SGSM2: variants seen among roughly 807,000 people sequenced by gnomAD.
SGSM2 encodes small G protein signaling modulator 2.
In SGSM2, 89 loss-of-function variants were observed where a neutral mutation model predicts 126.6. The observed-to-expected ratio is 0.70, with a 90% CI of 0.59 to 0.84. The LOEUF (loss-of-function observed/expected upper bound fraction) is 0.84. Among genes scored for constraint, SGSM2 ranks in the 40% least tolerant of loss-of-function variants. The pLI is 0.00. For synonymous variants in SGSM2, 614 were observed against 574.3 expected, an observed-to-expected ratio of 1.07 and a Z score of -0.99; for missense variants, 1,404 against 1,416.6, an observed-to-expected ratio of 0.99 and a Z score of 0.14.
Position 2,365,298 on chromosome 17 carries a change from CTA to C in SGSM2, c.1247_1248del (p.Tyr416CysfsTer17), listed in dbSNP as rs1338745408. 3.8e-6 allele frequency: 6 copies of C among 1,586,782 alleles called. No homozygotes were observed. The Admixed American group carries it at 5.4e-5, about 14-fold the overall frequency. ...AGATGGGCACGGGGCGGGCCACCGACTATGTGTTCCGGATCATCTACCCCGGC... is the reference window on the plus strand; with the variant it reads ...AGATGGGCACGGGGCGGGCCACCGACTGTGTTCCGGATCATCTACCCCGGC... ...EEMGTGRATD[Y>X]VFRIIYPGHR... On this transcript the variant is annotated frameshift_variant, in exon 11 of 24. Transcript: ENST00000268989. LOFTEE classifies it high-confidence loss of function.
chr17:2,353,913 T>G (rs767869845), intron 2 of SGSM2, among the ~76,000 whole-genome samples: 14 of 152,276 alleles, frequency 9.2e-5, no homozygotes, highest in East Asian at 1.9e-4. Context: ...TTTTTGTTTG[T>G]TTGGTTGTTT....
At chr17:2,373,107 CTGA>C (rs66956940) in intron 16 of SGSM2, 26 bp downstream of exon 16, 524,782 of 1,607,338 alleles carry the variant, frequency 0.33, 87,117 homozygotes, top group East Asian at 0.45. Context: ...TCCCATGGGG[CTGA>C]TGAGATGGGG....
At chr17:2,339,210 G>A (rs1007452497) in intron 1 of SGSM2, among the ~76,000 whole-genome samples, 1 of 152,010 alleles carries the variant, frequency 6.6e-6, no homozygotes, top group African/African-American at 2.4e-5. Context: ...GGTAGATCAC[G>A]AGGTCAGGAG....
chr17:2,338,790 A>ATATATATATATATAT (rs753835631), intron 1 of SGSM2, among the ~76,000 whole-genome samples: 1 of 73,176 alleles, frequency 1.4e-5, no homozygotes, highest in Non-Finnish European at 2.7e-5. Context: ...TATATATATA[A>ATATATATATATATAT]CCTCACGCCT....
intron 2 of SGSM2, 141 bp from the exon 3 acceptor site, chr17:2,361,496 G>C: frequency 9.7e-7 from 1 of 1,032,202 alleles, no homozygotes; most frequent in South Asian, 1.5e-5. Context: ...GGGGAATTTT[G>C]GAAGGAAGCC....
chr17:2,345,423 C>T (rs924592105), intron 2 of SGSM2, among the ~76,000 whole-genome samples: 7 of 151,736 alleles, frequency 4.6e-5, no homozygotes, highest in African/African-American at 7.3e-5. Context: ...GGTGAAACCC[C>T]GTCTCTACTA....
At chr17:2,358,901 A>G (rs1302771881) in intron 2 of SGSM2, among the ~76,000 whole-genome samples, 3 of 142,516 alleles carry the variant, frequency 2.1e-5, no homozygotes, top group Admixed American at 7.2e-5. Context: ...TTTTGAGACA[A>G]AGTCTCGCTG....
At chr17:2,361,924 G>C in intron 3 of SGSM2, 125 bp downstream of exon 3, 1 of 1,353,138 alleles carries the variant, frequency 7.4e-7, no homozygotes, top group South Asian at 1.4e-5. Flanking sequence ...CTCTGGGTGA[G>C]GGATCAGCTT....
chr17:2,364,735 G>C, intron 9 of SGSM2, 72 bp downstream of exon 9: 1 of 1,578,716 alleles, frequency 6.3e-7, no homozygotes, highest in Non-Finnish European at 8.7e-7. Context: ...ACTGTGCGTG[G>C]GGCCTGTAAG....
Position 2,361,761 on chromosome 17 carries a change from C to T in SGSM2, c.258C>T (p.Cys86=), listed in dbSNP as rs762157779. Residue 86 remains cysteine (C), a synonymous_variant, in exon 3 of 24, where the codon TGC becomes TGT. Transcript: ENST00000268989. Reference sequence around the variant, plus strand: ...CGTGCCCAGTGGCGGGGGAGATTTGCCACAAGGTACAGGAGCTGCAGCAAC... The same window carrying T: ...CGTGCCCAGTGGCGGGGGAGATTTGTCACAAGGTACAGGAGCTGCAGCAAC... ...GKTCPVAGEI[C]HKVQELQQQA... 6.2e-7 allele frequency: 1 copy of T among 1,612,418 alleles called. No individual in the cohort carries two copies. Among genetic ancestry groups the T allele is most frequent in the Non-Finnish European group, 8.5e-7 (1 of 1,179,792 alleles).
In SGSM2 at chr17:2,373,335, A is replaced by G. The variant is rs1370557302; in HGVS notation, c.1922A>G (p.Asp641Gly). The G allele has an allele frequency of 3.7e-6, 6 of 1,611,950 alleles. No individual in the cohort carries two copies. The highest frequency in any genetic ancestry group is 5.1e-6 in the Non-Finnish European group (6 of 1,179,628). The change falls in exon 17 of 24, where the codon GAC becomes GGC. Residue 641 changes from aspartate to glycine, a missense_variant. Coordinates refer to ENST00000268989, the MANE Select transcript of SGSM2 (RefSeq NM_014853.3). ...CGTGGTGTGGTCTGAGTACAGGTGG[A>G]CGCAGTGGTGGCAGCAAGGTACCAG... The part of the protein sequence containing the change: ...GMSKKEMEQV[D>G]AVVAARYQQV...
rs2065973718 is a variant in SGSM2, at chr17:2,373,396, G to A, written c.1983G>A (p.Val661=). 5 of 1,612,666 alleles carry A rather than the reference G, an allele frequency of 3.1e-6. No homozygotes were observed. In the Admixed American group the frequency reaches 6.7e-5, roughly 22 times the overall value. ...CAGAGTGGAAGGCCTGCGAGGTGGT[G>A]GTGAGGCAGCGGGAGCGGGAGGCCC... ...VLAEWKACEV[V]VRQREREAHP... The change falls in exon 17 of 24, where the codon GTG becomes GTA. Residue 661 remains valine (V), a synonymous_variant. Transcript: ENST00000268989.
In SGSM2 at chr17:2,372,781, C is replaced by T. The variant is rs2065934785; in HGVS notation, c.1789-172C>T. On this transcript the variant is annotated intron_variant, in intron 15 of 23. Coordinates refer to ENST00000268989, the MANE Select transcript of SGSM2 (RefSeq NM_014853.3). This position sits in a 1 kb window ranked among gnomAD's most constrained non-coding sequence, Gnocchi z 6.0. ...GAAGGAGAGCAGAACGAGATCTCAT[C>T]CCACTGTGAGCTGGGGCACGGGAGG... 2.2e-6 allele frequency: 2 copies of T among 917,156 alleles called. No homozygotes were observed. Among genetic ancestry groups the T allele is most frequent in the Non-Finnish European group, 3.2e-6 (2 of 620,892 alleles). 56.8% of individuals were successfully genotyped at this position (917,156 alleles called of 1,614,324 possible). A position where few individuals can be genotyped will look rare whatever the true frequency, so the allele number is the denominator to read the frequency against.
intron 2 of SGSM2, among the ~76,000 whole-genome samples, chr17:2,344,501 AGC>A (rs368686873): frequency 7.2e-4 from 109 of 152,328 alleles, no homozygotes; most frequent in African/African-American, 2.4e-3. Flanking sequence ...CAGCAGATAC[AGC>A]TGCCCTTCCC....
chr17:2,378,548 AG>A (rs1460743927), intron 22 of SGSM2, among the ~76,000 whole-genome samples: 2 of 152,126 alleles, frequency 1.3e-5, no homozygotes, highest in African/African-American at 4.8e-5. Flanking sequence ...AAAAAAGAAA[AG>A]AAAAGAAAAA....
chr17:2,348,456 A>G (rs1305778031), intron 2 of SGSM2, among the ~76,000 whole-genome samples: 1 of 152,100 alleles, frequency 6.6e-6, no homozygotes, highest in Non-Finnish European at 1.5e-5. Context: ...CTTGCTATCT[A>G]ACTCGTGCCT....
chr17:2,358,637 A>C (rs1246842466), intron 2 of SGSM2, among the ~76,000 whole-genome samples: 1 of 152,074 alleles, frequency 6.6e-6, no homozygotes, highest in Admixed American at 6.6e-5. Context: ...GCTTGAACCC[A>C]GGAGGCTGAG....
At chr17:2,376,687 G>C in intron 19 of SGSM2, 46 bp from the exon 20 acceptor site, 3 of 1,601,650 alleles carry the variant, frequency 1.9e-6, no homozygotes, top group Non-Finnish European at 2.6e-6. Context: ...TCCCGAGGGA[G>C]GGAAGAATGG....
intron 12 of SGSM2, among the ~76,000 whole-genome samples, chr17:2,369,612 A>C (rs1484191943): frequency 5.9e-5 from 9 of 152,278 alleles, no homozygotes; most frequent in African/African-American, 1.9e-4. Flanking sequence ...ATTAAGGTGA[A>C]GAGCATTGGC....
Sources: allele counts gnomAD v4.1 joint callset (sites outside exome capture counted in the v4.1 genomes callset), GRCh38; gene constraint gnomAD v4.1.1; non-coding constraint Gnocchi (gnomAD v3.1); transcripts MANE v1.5; gene names NCBI Gene and HGNC (gene_info 2026-07-23, HGNC 2026-07-21).